MAN1C1: variants seen among roughly 807,000 people sequenced by gnomAD.
The protein encoded by MAN1C1 is mannosidase alpha class 1C member 1, also known as mannosyl-oligosaccharide 1,2-alpha-mannosidase IC.
A neutral mutation model predicts 71.5 loss-of-function variants in MAN1C1; 49 were observed. The observed-to-expected ratio is 0.69, with a 90% CI of 0.54 to 0.87. The LOEUF is 0.87. Among genes scored for constraint, MAN1C1 ranks in the 40% least tolerant of loss-of-function variants. MAN1C1 has a pLI of 0.00. For synonymous variants in MAN1C1, 352 were observed against 343.7 expected, an observed-to-expected ratio of 1.02 and a Z score of -0.27; for missense variants, 743 against 835.0, an observed-to-expected ratio of 0.89 and a Z score of 1.36.
Position 25,730,186 on chromosome 1 carries a change from T to A in MAN1C1, c.638-16482T>A, listed in dbSNP as rs891933841. Among the ~76,000 whole-genome samples the A allele has an allele frequency of 2.0e-5, 3 of 152,066 alleles. No homozygotes were observed. The highest frequency in any genetic ancestry group is 7.2e-5 in the African/African-American group (3 of 41,402). On this transcript the variant is annotated intron_variant, in intron 2 of 11. Coordinates refer to ENST00000374332, the MANE Select transcript of MAN1C1 (RefSeq NM_020379.4). This position sits in a 1 kb window ranked among gnomAD's most constrained non-coding sequence, Gnocchi z 4.3. ...ACCCTTTGAGAACCAGAAAGAGAAA[T>A]TCCTCAGATTATGGTCTGTCATAAT...
chr1:25,693,345 G>T (rs1026743298), intron 2 of MAN1C1, among the ~76,000 whole-genome samples: 1 of 152,274 alleles, frequency 6.6e-6, no homozygotes, highest in African/African-American at 2.4e-5. Context: ...GAAAATCTGC[G>T]TTGGCTGGGT....
rs149056278 is a variant in MAN1C1 at position 25,753,552 on chromosome 1, C to G, written c.903C>G (p.Ile301Met). The change falls in exon 5 of 12, where the codon ATC becomes ATG. Residue 301 changes from isoleucine to methionine, a missense_variant. Coordinates refer to ENST00000374332, the MANE Select transcript of MAN1C1 (RefSeq NM_020379.4). This position sits in a 1 kb window ranked among gnomAD's most constrained non-coding sequence, Gnocchi z 4.9. ...LLPAFNTPTG[I>M]PKGVVSFKSG... ...CGGCGTTCAACACCCCCACGGGAAT[C>G]CCAAAGGGCGTGGTGAGCTTCAAAA... 4 of 1,613,644 alleles carry G rather than the reference C, an allele frequency of 2.5e-6. No homozygotes were observed. The African/African-American group carries it at 4.0e-5, about 16-fold the overall frequency.
intron 7 of MAN1C1, among the ~76,000 whole-genome samples, chr1:25,765,409 C>G (rs1430503851): frequency 6.6e-6 from 1 of 152,176 alleles, no homozygotes; most frequent in African/African-American, 2.4e-5. Flanking sequence ...TGGCAGAGCC[C>G]CCACCCCCAC....
At chr1:25,671,926 TG>T (rs2045998236) in intron 1 of MAN1C1, among the ~76,000 whole-genome samples, 1 of 151,978 alleles carries the variant, frequency 6.6e-6, no homozygotes, top group African/African-American at 2.4e-5. Context: ...ATGGTAGAGG[TG>T]GGACTTATTA....
chr1:25,660,664 G>A (rs1203317155), intron 1 of MAN1C1, among the ~76,000 whole-genome samples: 2 of 151,538 alleles, frequency 1.3e-5, no homozygotes, highest in Non-Finnish European at 2.9e-5. Context: ...AAAGTGCTGG[G>A]ATTACAGGTG....
intron 2 of MAN1C1, among the ~76,000 whole-genome samples, chr1:25,740,732 G>A (rs576051699): frequency 2.6e-5 from 4 of 152,238 alleles, no homozygotes; most frequent in Non-Finnish European, 4.4e-5. Context: ...CACCGCGCCC[G>A]GCTGACTTGA....
intron 1 of MAN1C1, among the ~76,000 whole-genome samples, chr1:25,670,570 C>A (rs1034059977): frequency 6.6e-6 from 1 of 152,214 alleles, no homozygotes; most frequent in African/African-American, 2.4e-5. Flanking sequence ...GAGCCAGGCA[C>A]AGGGCAGCAG....
chr1:25,618,016 C>G lies in MAN1C1; in HGVS notation c.219C>G (p.Ala73=). ...TGGTGGCTGAAATCGCCGGCCATGC[C>G]CCGGCCCGCGAGCAGGAGCCGCCTC... The part of the protein sequence containing the change: ...LEVVAEIAGH[A]PAREQEPPPN... The change falls in exon 1 of 12, where the codon GCC becomes GCG. Residue 73 remains alanine, a synonymous_variant. Transcript: ENST00000374332. The G allele has an allele frequency of 6.2e-7, 1 of 1,600,884 alleles. No individual in the cohort carries two copies. The highest frequency in any genetic ancestry group is 8.5e-7 in the Non-Finnish European group (1 of 1,175,540).
At position 25,708,660 on chromosome 1, in the gene MAN1C1, G is replaced by A. The variant is rs558679418; in HGVS notation, c.637+22124G>A. Among the ~76,000 whole-genome samples, 17 of 152,240 alleles carry A rather than the reference G, an allele frequency of 1.1e-4. No homozygotes were observed. In the South Asian group the frequency reaches 2.7e-3, roughly 24 times the overall value. ...AGCACTTTGGGAGGCCGAGGCAGGCGGATCACCTGAGGTCAGGAGTTTGAG... is the reference window on the plus strand; with the variant it reads ...AGCACTTTGGGAGGCCGAGGCAGGCAGATCACCTGAGGTCAGGAGTTTGAG... On this transcript the variant is annotated intron_variant, in intron 2 of 11. Coordinates refer to ENST00000374332, the MANE Select transcript of MAN1C1 (RefSeq NM_020379.4).
At chr1:25,644,640 C>T (rs905847601) in intron 1 of MAN1C1, 26 of 149,660 alleles carry the variant, frequency 1.7e-4, no homozygotes, top group Admixed American at 6.7e-4. Context: ...ATTCTCCAGC[C>T]TCAGCCTCTC....
intron 1 of MAN1C1, among the ~76,000 whole-genome samples, chr1:25,676,855 C>G (rs576227225): frequency 6.6e-6 from 1 of 152,268 alleles, no homozygotes; most frequent in East Asian, 1.9e-4. Context: ...TCAATGCTCA[C>G]CCCCTTCCTT....
intron 2 of MAN1C1, among the ~76,000 whole-genome samples, chr1:25,721,042 T>C (rs537628716): frequency 6.6e-6 from 1 of 152,360 alleles, no homozygotes; most frequent in African/African-American, 2.4e-5. Flanking sequence ...TATGCCAGTA[T>C]CACACTGTCT....
chr1:25,687,167 G>A (rs573468688), intron 2 of MAN1C1, among the ~76,000 whole-genome samples: 2 of 152,154 alleles, frequency 1.3e-5, no homozygotes, highest in Admixed American at 1.3e-4. Context: ...CAAGCTACTC[G>A]GAAGCCAAGT....
intron 1 of MAN1C1, among the ~76,000 whole-genome samples, chr1:25,674,729 G>A (rs1190072317): frequency 6.6e-6 from 1 of 151,738 alleles, no homozygotes; most frequent in African/African-American, 2.4e-5. Context: ...CTGTGGCAGA[G>A]ATGGGGAGGA....
At position 25,767,278 on chromosome 1, in the gene MAN1C1, AC is replaced by A. The variant is rs2047443114; in HGVS notation, c.1141+3312del. 2.3e-5 allele frequency among the ~76,000 whole-genome samples: 3 copies of A among 132,704 alleles called. No homozygotes were observed. In the South Asian group the frequency reaches 7.3e-4, roughly 32 times the overall value. 87.1% of individuals were successfully genotyped at this position (132,704 alleles called of 152,430 possible). ...CTCCCCTCACACACACACATTACAC[AC>A]TACATACACTCCTACTCTCCCCTCA... On this transcript the variant is annotated intron_variant, in intron 7 of 11. Transcript: ENST00000374332.
intron 2 of MAN1C1, among the ~76,000 whole-genome samples, chr1:25,701,561 G>T (rs926104212): frequency 6.6e-6 from 1 of 152,220 alleles, no homozygotes; most frequent in African/African-American, 2.4e-5. Flanking sequence ...ACTGGGAACT[G>T]CCCAACAGGC....
chr1:25,680,023 C>A (rs2046129492), intron 1 of MAN1C1, among the ~76,000 whole-genome samples: 1 of 144,588 alleles, frequency 6.9e-6, no homozygotes. Flanking sequence ...CCATAAAATT[C>A]ATATACCATA....
chr1:25,673,605 G>T (rs1329223945), intron 1 of MAN1C1, among the ~76,000 whole-genome samples: 1 of 152,170 alleles, frequency 6.6e-6, no homozygotes. Flanking sequence ...GCACAGAGAG[G>T]TTAAGTATCT....
intron 7 of MAN1C1, among the ~76,000 whole-genome samples, chr1:25,771,442 A>G (rs1288709508): frequency 6.6e-6 from 1 of 152,242 alleles, no homozygotes; most frequent in Non-Finnish European, 1.5e-5. Context: ...ACTTTTGTGC[A>G]GGATGAGCGC....
Sources: gnomAD v4.1 joint callset for allele counts (sites outside exome capture counted in the v4.1 genomes callset) on GRCh38, gnomAD v4.1.1 for gene constraint, Gnocchi (gnomAD v3.1) non-coding constraint, MANE v1.5 for transcripts, NCBI Gene and HGNC (gene_info 2026-07-23, HGNC 2026-07-21) for gene names.